Variants in THRAP3 observed in about 807,000 individuals in gnomAD.
THRAP3 encodes thyroid hormone receptor-associated protein 3.
In THRAP3, 16 loss-of-function variants were observed where a neutral mutation model predicts 101.0. The observed-to-expected ratio is 0.16, with a 90% CI of 0.11 to 0.24. The LOEUF is 0.24. THRAP3 is among the 10% of genes least tolerant of loss of function. The pLI is 1.00. For synonymous variants in THRAP3, 407 were observed against 422.6 expected (o/e 0.96, Z 0.45); for missense variants, 989 against 1,202.7 (o/e 0.82, Z 2.63).
chr1:36,253,786 T>TTA, intron 1 of THRAP3, among the ~76,000 whole-genome samples: 1 of 84,106 alleles, frequency 1.2e-5, no homozygotes, highest in Admixed American at 1.4e-4. Context: ...TTTTAGTTTT[T>TTA]GTAGAGACGG....
chr1:36,217,688 A>T, the THRAP3 span, among the ~76,000 whole-genome samples: 1 of 152,118 alleles, frequency 6.6e-6, no homozygotes, highest in African/African-American at 2.4e-5. Flanking sequence ...TATATCTGTT[A>T]TGGTGATCAG....
rs1030679831 is a variant in THRAP3 at position 36,232,722 on chromosome 1, A to G, written c.-135+8217A>G. On this transcript the variant is annotated intron_variant, in intron 1 of 11. Coordinates refer to ENST00000354618, the MANE Select transcript of THRAP3 (RefSeq NM_005119.4). The stretch of plus-strand genomic sequence containing the variant: ...CCCATTGTCAAGTCCTAGTTCACTC[A>G]GGTTCTGTTAAGTTAGCAGTTGAAA... 4.6e-5 allele frequency among the ~76,000 whole-genome samples: 7 copies of G among 152,304 alleles called. 1 individual carries two copies. In the South Asian group the frequency reaches 8.3e-4, roughly 18 times the overall value.
rs746295609 is a variant in THRAP3, at chr1:36,282,654, C to T, written c.91C>T (p.Arg31Trp). The T allele has an allele frequency of 1.2e-6, 2 of 1,614,116 alleles. No homozygotes were observed. The highest frequency in any genetic ancestry group is 1.7e-6 in the Non-Finnish European group (2 of 1,180,016). Residue 31 changes from arginine to tryptophan, a missense_variant, in exon 3 of 12, where the codon CGG becomes TGG. Transcript: ENST00000354618. ...RSRSRSFSKS[R>W]SRSRSLSRSR... ...TCGTTCTCGTTCATTTTCGAAGTCTCGGTCCCGAAGCCGATCTCTCTCTCG... is the reference window on the plus strand; with the variant it reads ...TCGTTCTCGTTCATTTTCGAAGTCTTGGTCCCGAAGCCGATCTCTCTCTCG...
intron 1 of THRAP3, among the ~76,000 whole-genome samples, chr1:36,234,807 CTTTTTTTTTTT>C (rs35278020): frequency 4.4e-4 from 32 of 72,444 alleles, no homozygotes; most frequent in East Asian, 2.6e-3. Flanking sequence ...CTGTTTCAGT[CTTTTTTTTTTT>C]TTTTTTTTTT....
rs768931263 is a variant in THRAP3, at chr1:36,303,780, T to C, written c.2647-16T>C. 17 of 1,613,752 alleles carry C rather than the reference T, an allele frequency of 1.1e-5. No homozygotes were observed. The highest frequency in any genetic ancestry group is 1.3e-5 in the African/African-American group (1 of 74,878). On this transcript the variant is annotated splice_polypyrimidine_tract_variant and intron_variant, in intron 11 of 11. Coordinates refer to ENST00000354618, the MANE Select transcript of THRAP3 (RefSeq NM_005119.4). The stretch of plus-strand genomic sequence containing the variant: ...TTGTTCACTCTGGCACTGATGGCAA[T>C]TTTCTTTCCCCTCAGCATGATGACC...
At position 36,270,571 on chromosome 1, in the gene THRAP3, G is replaced by GGTTTTTTTTTTTTTTTTTTTTTTTTTTTT. The variant is rs1553121666; in HGVS notation, c.-32+11087_-32+11088insGTTTTTTTTTTTTTTTTTTTTTTTTTTTT. Among the ~76,000 whole-genome samples the GGTTTTTTTTTTTTTTTTTTTTTTTTTTTT allele has an allele frequency of 1.0e-3, 33 of 31,892 alleles. 4 individuals are homozygous for GGTTTTTTTTTTTTTTTTTTTTTTTTTTTT. Among genetic ancestry groups the GGTTTTTTTTTTTTTTTTTTTTTTTTTTTT allele is most frequent in the African/African-American group, 2.1e-3 (30 of 14,196 alleles). The allele number at this position is 31,892 out of a possible 152,430, so 20.9% of individuals were successfully genotyped here. A position where few individuals can be genotyped will look rare whatever the true frequency, so the allele number is the denominator to read the frequency against. On this transcript the variant is annotated intron_variant, in intron 2 of 11. Coordinates refer to ENST00000354618, the MANE Select transcript of THRAP3 (RefSeq NM_005119.4). ...TAAAAATACAGTTCTATTTGTTTAG[G>GGTTTTTTTTTTTTTTTTTTTTTTTTTTTT]TTTTTGTTTTTTTTTTTTTTTTTGA...
chr1:36,222,454 T>C (rs1644906978), upstream of THRAP3, among the ~76,000 whole-genome samples: 1 of 152,040 alleles, frequency 6.6e-6, no homozygotes, highest in African/African-American at 2.4e-5. Flanking sequence ...TCGCCCAGGC[T>C]GGAGTGCAGT....
intron 9 of THRAP3, 118 bp from the exon 10 acceptor site, chr1:36,300,768 C>T: frequency 6.1e-6 from 6 of 979,904 alleles, no homozygotes; most frequent in Non-Finnish European, 9.2e-6. Context: ...GGTTACTCAT[C>T]ATCAGTTTCT....
chr1:36,280,442 C>T (rs1645716071), intron 2 of THRAP3, among the ~76,000 whole-genome samples: 1 of 152,108 alleles, frequency 6.6e-6, no homozygotes, highest in African/African-American at 2.4e-5. Context: ...ACATACTGGA[C>T]CTAGAGAATG....
chr1:36,233,982 G>T (rs898302170), intron 1 of THRAP3, among the ~76,000 whole-genome samples: 1 of 151,906 alleles, frequency 6.6e-6, no homozygotes, highest in Non-Finnish European at 1.5e-5. Flanking sequence ...TTGAGATAGG[G>T]TCTTGTTTTG....
At chr1:36,252,702 C>T (rs1032008726) in intron 1 of THRAP3, among the ~76,000 whole-genome samples, 1 of 151,516 alleles carries the variant, frequency 6.6e-6, no homozygotes. Flanking sequence ...GAGGTCAGTT[C>T]GAGACCAGCC....
Position 36,304,197 on chromosome 1 carries a change from G to T in THRAP3, c.*180G>T, listed in dbSNP as rs1457131405. ...GCGCTGTCTCCCACTGGACAGAGGAGGCTGGCCATGGGGCCCAGGGGTCAG... is the reference window on the plus strand; with the variant it reads ...GCGCTGTCTCCCACTGGACAGAGGATGCTGGCCATGGGGCCCAGGGGTCAG... On this transcript the variant is annotated 3_prime_UTR_variant, in exon 12 of 12. Transcript: ENST00000354618. 4.3e-6 allele frequency: 4 copies of T among 931,508 alleles called. No homozygotes were observed. The highest frequency in any genetic ancestry group is 3.5e-4 in the Middle Eastern group (1 of 2,822). 57.7% of individuals were successfully genotyped at this position (931,508 alleles called of 1,614,324 possible). A position where few individuals can be genotyped will look rare whatever the true frequency, so the allele number is the denominator to read the frequency against.
At chr1:36,258,419 T>C (rs914473856) in intron 1 of THRAP3, among the ~76,000 whole-genome samples, 1 of 152,212 alleles carries the variant, frequency 6.6e-6, no homozygotes, top group African/African-American at 2.4e-5. Context: ...GACATTGTTA[T>C]TTGGTAAAGG....
chr1:36,243,837 ACCTC>A (rs1274431548), intron 1 of THRAP3, among the ~76,000 whole-genome samples: 1 of 127,072 alleles, frequency 7.9e-6, no homozygotes, highest in Non-Finnish European at 1.7e-5. Flanking sequence ...TGACCCCCAC[ACCTC>A]CCTCCCGGAC....
chr1:36,232,472 C>T (rs1333199619), intron 1 of THRAP3, among the ~76,000 whole-genome samples: 1 of 152,142 alleles, frequency 6.6e-6, no homozygotes, highest in Non-Finnish European at 1.5e-5. Flanking sequence ...TGTTTCCCTC[C>T]CCAACCCTAC....
intron 2 of THRAP3, among the ~76,000 whole-genome samples, chr1:36,262,111 A>G (rs1645453840): frequency 6.6e-6 from 1 of 152,336 alleles, no homozygotes; most frequent in South Asian, 2.1e-4. Context: ...AATTTGAACG[A>G]TATGTTTTAT....
intron 5 of THRAP3, among the ~76,000 whole-genome samples, chr1:36,290,959 G>A (rs1645860641): frequency 6.6e-6 from 1 of 152,112 alleles, no homozygotes; most frequent in South Asian, 2.1e-4. Flanking sequence ...GCCTTGGCTG[G>A]TCATGCTAGC....
chr1:36,273,259 G>C (rs938520422), intron 2 of THRAP3, among the ~76,000 whole-genome samples: 1 of 152,126 alleles, frequency 6.6e-6, no homozygotes, highest in Non-Finnish European at 1.5e-5. Context: ...TAGAGACTTC[G>C]TCCTGAGGCC....
intron 1 of THRAP3, among the ~76,000 whole-genome samples, chr1:36,236,856 G>A (rs1166177389): frequency 6.6e-6 from 1 of 152,120 alleles, no homozygotes; most frequent in Non-Finnish European, 1.5e-5. Flanking sequence ...TCTGGAGTAT[G>A]CATATATATA....
Sources: allele counts gnomAD v4.1 joint callset (sites outside exome capture counted in the v4.1 genomes callset), GRCh38; gene constraint gnomAD v4.1.1; transcripts MANE v1.5; gene names NCBI Gene and HGNC (gene_info 2026-07-23, HGNC 2026-07-21).